The following ENTREP2 variants were observed in gnomAD, a reference collection of about 807,000 sequenced individuals.
ENTREP2 encodes the protein endosomal transmembrane epsin interactor 2.
At chr15:29,437,539 T>G in the ENTREP2 span, among the ~76,000 whole-genome samples, 1 of 152,196 alleles carries the variant, frequency 6.6e-6, no homozygotes, top group Non-Finnish European at 1.5e-5. Flanking sequence ...AGAGGTTGGA[T>G]AATTAATAAA....
At chr15:29,213,815 A>C in the ENTREP2 span, among the ~76,000 whole-genome samples, 1 of 152,330 alleles carries the variant, frequency 6.6e-6, no homozygotes, top group African/African-American at 2.4e-5. Context: ...GCTAATATCC[A>C]GAATCTACAA....
the ENTREP2 span, among the ~76,000 whole-genome samples, chr15:29,342,669 T>C: frequency 6.6e-6 from 1 of 152,222 alleles, no homozygotes; most frequent in Non-Finnish European, 1.5e-5. Flanking sequence ...TTGTGGGTTT[T>C]TGCCTGACAT....
the ENTREP2 span, among the ~76,000 whole-genome samples, chr15:29,130,650 C>G: frequency 6.6e-6 from 1 of 152,200 alleles, no homozygotes; most frequent in African/African-American, 2.4e-5. Context: ...TCATTCACTT[C>G]CTTCTGGCTC....
chr15:29,228,117 G>A, the ENTREP2 span, among the ~76,000 whole-genome samples: 7 of 152,044 alleles, frequency 4.6e-5, no homozygotes, highest in African/African-American at 1.7e-4. Flanking sequence ...GGATCAGTTT[G>A]AGACCAGCCT....
chr15:29,507,482 T>G, the ENTREP2 span, among the ~76,000 whole-genome samples: 2 of 152,304 alleles, frequency 1.3e-5, no homozygotes, highest in Admixed American at 6.5e-5. Context: ...TAGCACTTAT[T>G]CTAAAATTGA....
At chr15:29,601,836 A>C in the ENTREP2 span, among the ~76,000 whole-genome samples, 1 of 152,216 alleles carries the variant, frequency 6.6e-6, no homozygotes, top group Non-Finnish European at 1.5e-5. Context: ...TGACATATGC[A>C]CAATGACCAA....
chr15:29,151,202 C>T, the ENTREP2 span, among the ~76,000 whole-genome samples: 1 of 152,100 alleles, frequency 6.6e-6, no homozygotes, highest in Non-Finnish European at 1.5e-5. Context: ...TCCTCGCTGC[C>T]CCTGGGAGTG....
At chr15:29,655,296 C>T in the ENTREP2 span, among the ~76,000 whole-genome samples, 1 of 152,098 alleles carries the variant, frequency 6.6e-6, no homozygotes, top group African/African-American at 2.4e-5. Flanking sequence ...CAAGGTAAAA[C>T]TAGAGAATTT....
chr15:29,642,623 TA>T, the ENTREP2 span, among the ~76,000 whole-genome samples: 1 of 150,642 alleles, frequency 6.6e-6, no homozygotes, highest in African/African-American at 2.4e-5. Context: ...ACATACTATA[TA>T]TTTTTTTGAG....
the ENTREP2 span, among the ~76,000 whole-genome samples, chr15:29,599,791 A>AT: frequency 6.6e-6 from 1 of 152,210 alleles, no homozygotes; most frequent in Admixed American, 6.5e-5. Context: ...CAAAAACTTC[A>AT]TATTAAGCCA....
chr15:29,183,543 A>T, the ENTREP2 span, among the ~76,000 whole-genome samples: 2 of 152,228 alleles, frequency 1.3e-5, no homozygotes, highest in Admixed American at 6.5e-5. Flanking sequence ...GTCCATGAAC[A>T]GGAGATGGAG....
chr15:29,589,343 T>C, the ENTREP2 span, among the ~76,000 whole-genome samples: 1 of 152,222 alleles, frequency 6.6e-6, no homozygotes, highest in African/African-American at 2.4e-5. Context: ...CAATTTCAGA[T>C]TAAAACCTCG....
chr15:29,673,391 A>T, the ENTREP2 span, among the ~76,000 whole-genome samples: 1 of 152,156 alleles, frequency 6.6e-6, no homozygotes, highest in Non-Finnish European at 1.5e-5. Context: ...CCCCTACTCA[A>T]GATGGAGTCG....
the ENTREP2 span, among the ~76,000 whole-genome samples, chr15:29,392,711 C>T: frequency 2.0e-5 from 3 of 152,142 alleles, no homozygotes; most frequent in Non-Finnish European, 4.4e-5. Context: ...ATTTTTCATT[C>T]GTTCTGGAAA....
chr15:29,311,759 T>C, the ENTREP2 span, among the ~76,000 whole-genome samples: 2 of 152,158 alleles, frequency 1.3e-5, no homozygotes, highest in Non-Finnish European at 2.9e-5. Flanking sequence ...AAGTAGATAT[T>C]ACACACTATA....
chr15:29,329,696 AAAGT>A, the ENTREP2 span, among the ~76,000 whole-genome samples: 1 of 152,240 alleles, frequency 6.6e-6, no homozygotes, highest in African/African-American at 2.4e-5. Flanking sequence ...GTGGTGCCAG[AAAGT>A]AAGAACGTGA....
the ENTREP2 span, chr15:29,136,410 G>A: frequency 6.5e-7 from 1 of 1,535,196 alleles, no homozygotes; most frequent in African/African-American, 1.4e-5. Flanking sequence ...TACGGAGGGG[G>A]GAGCTCAGCA....
chr15:29,183,580 T>C, the ENTREP2 span, among the ~76,000 whole-genome samples: 1 of 152,198 alleles, frequency 6.6e-6, no homozygotes, highest in Admixed American at 6.5e-5. Flanking sequence ...ACTCGCTCAA[T>C]GCAAGACCAT....
the ENTREP2 span, among the ~76,000 whole-genome samples, chr15:29,404,374 T>TA: frequency 6.6e-6 from 1 of 151,910 alleles, no homozygotes; most frequent in Non-Finnish European, 1.5e-5. Context: ...AGCACCCTTG[T>TA]AATAGCCGTC....
Sources: gnomAD v4.1 joint callset for allele counts (sites outside exome capture counted in the v4.1 genomes callset) on GRCh38, gnomAD v4.1.1 for gene constraint, MANE v1.5 for transcripts, NCBI Gene and HGNC (gene_info 2026-07-23, HGNC 2026-07-21) for gene names.